The following TLN2 variants were observed in gnomAD, a reference collection of about 807,000 sequenced individuals.
TLN2 encodes talin 2.
TLN2 carries 118 observed loss-of-function variants against 294.7 expected under a neutral mutation model. That is an observed-to-expected ratio of 0.40 (90% CI 0.34 to 0.47). The LOEUF is 0.47. Among genes scored for constraint, TLN2 ranks in the 20% least tolerant of loss-of-function variants. TLN2 has a pLI of 0.84. For synonymous variants in TLN2, 1,431 were observed against 1,304.5 expected (o/e 1.10, Z -2.09); for missense variants, 3,083 against 3,282.2 (o/e 0.94, Z 1.48).
chr15:62,824,412 T>C (rs1016740096), intron 54 of TLN2, among the ~76,000 whole-genome samples: 10 of 152,218 alleles, frequency 6.6e-5, no homozygotes, highest in Non-Finnish European at 1.5e-4. Context: ...TTTATCCTGA[T>C]CTTCAATTTA....
chr15:62,766,237 C>A, intron 40 of TLN2, 84 bp from the exon 41 acceptor site: 1 of 1,219,248 alleles, frequency 8.2e-7, no homozygotes, highest in South Asian at 1.4e-5. Flanking sequence ...TGGCCTCTGT[C>A]ATTTTTCAGA....
At chr15:62,462,502 C>T (rs1362976264) in intron 1 of TLN2, among the ~76,000 whole-genome samples, 1 of 152,182 alleles carries the variant, frequency 6.6e-6, no homozygotes, top group East Asian at 1.9e-4. Context: ...TGGTTTTTAA[C>T]CAGTGATTCA....
intron 1 of TLN2, among the ~76,000 whole-genome samples, chr15:62,534,099 G>GACTTCCAAC (rs768040090): frequency 7.9e-5 from 12 of 152,108 alleles, no homozygotes; most frequent in Non-Finnish European, 1.3e-4. Context: ...ATTTCCAACA[G>GACTTCCAAC]ACTCCCAGGT....
intron 19 of TLN2, 28 bp from the exon 20 acceptor site, chr15:62,707,058 T>TG (rs773736683): frequency 6.3e-7 from 1 of 1,579,430 alleles, no homozygotes; most frequent in South Asian, 1.2e-5. Context: ...GAAAAATAAA[T>TG]GAATAGTCTT....
Position 62,655,996 on chromosome 15 carries a change from C to T in TLN2, c.570C>T (p.Asn190=), listed in dbSNP as rs777133814. 43 of 1,614,114 alleles carry T rather than the reference C, an allele frequency of 2.7e-5. No homozygotes were observed. The highest frequency in any genetic ancestry group is 1.6e-4 in the Middle Eastern group (1 of 6,062). Residue 190 remains asparagine (N), a synonymous_variant, in exon 8 of 59, where the codon AAC becomes AAT. Transcript: ENST00000636159. The stretch of plus-strand genomic sequence containing the variant: ...TCAGAGAACAAGGAGTAGATGAAAA[C>T]GAAACGTTGCTGCTTAGACGGAAGT... ...RTFREQGVDE[N]ETLLLRRKFF...
intron 5 of TLN2, among the ~76,000 whole-genome samples, chr15:62,651,315 A>C (rs994500262): frequency 8.5e-5 from 13 of 152,168 alleles, no homozygotes; most frequent in Admixed American, 8.5e-4. Flanking sequence ...TTCACTATCA[A>C]ATTTTTAAGA....
chr15:62,443,754 C>T (rs1317765364), intron 1 of TLN2, among the ~76,000 whole-genome samples: 2 of 152,190 alleles, frequency 1.3e-5, no homozygotes, highest in Non-Finnish European at 2.9e-5. Context: ...ATAATCCCAG[C>T]ACTTTGGGAG....
At chr15:62,712,144 T>A in intron 22 of TLN2, 67 bp downstream of exon 22, 1 of 1,566,160 alleles carries the variant, frequency 6.4e-7, no homozygotes, top group Non-Finnish European at 8.7e-7. Context: ...GAAGGTACTT[T>A]CCAGATGGGG....
intron 3 of TLN2, among the ~76,000 whole-genome samples, chr15:62,632,786 C>T (rs569376350): frequency 2.0e-5 from 3 of 152,268 alleles, no homozygotes; most frequent in African/African-American, 4.8e-5. Context: ...GTCTGCATTT[C>T]GAGGTGGTTG....
chr15:62,559,175 T>G (rs2042773255), intron 1 of TLN2, among the ~76,000 whole-genome samples: 1 of 152,180 alleles, frequency 6.6e-6, no homozygotes. Context: ...CTCTTGACTC[T>G]CAGTGTGCAG....
intron 9 of TLN2, among the ~76,000 whole-genome samples, chr15:62,663,946 T>C (rs1475524731): frequency 6.6e-6 from 1 of 151,980 alleles, no homozygotes; most frequent in Non-Finnish European, 1.5e-5. Flanking sequence ...AAAATTAATA[T>C]GAACTAGTCA....
intron 1 of TLN2, among the ~76,000 whole-genome samples, chr15:62,523,599 C>T (rs781654174): frequency 2.0e-5 from 3 of 151,916 alleles, no homozygotes; most frequent in East Asian, 1.9e-4. Context: ...AATCCATTGG[C>T]GTAAGTGGGA....
intron 1 of TLN2, among the ~76,000 whole-genome samples, chr15:62,576,086 G>A (rs1436266910): frequency 1.3e-5 from 2 of 152,164 alleles, no homozygotes; most frequent in Non-Finnish European, 2.9e-5. Flanking sequence ...TTCTAAGGTA[G>A]TGGTGATTGT....
At chr15:62,547,595 G>A (rs1476833861) in intron 1 of TLN2, among the ~76,000 whole-genome samples, 1 of 152,202 alleles carries the variant, frequency 6.6e-6, no homozygotes, top group African/African-American at 2.4e-5. Context: ...CTTTGAAGGT[G>A]GCTGGAACCT....
At chr15:62,453,631 C>T (rs1183951090) in intron 1 of TLN2, 3 of 152,202 alleles carry the variant, frequency 2.0e-5, no homozygotes, top group African/African-American at 4.8e-5. Context: ...CTTGTCCCTT[C>T]CTGTTTAATG....
rs978082774 is a variant in TLN2 at position 62,469,655 on chromosome 15, T to G, written c.-238+78970T>G. Among the ~76,000 whole-genome samples, 7 of 152,326 alleles carry G rather than the reference T, an allele frequency of 4.6e-5. No individual in the cohort carries two copies. In the East Asian group the frequency reaches 5.8e-4, roughly 13 times the overall value. On this transcript the variant is annotated intron_variant, in intron 1 of 58. Coordinates refer to ENST00000636159, the MANE Select transcript of TLN2 (RefSeq NM_015059.3). Reference sequence around the variant, plus strand: ...AGGCTGCTTGTGTGCTTGGCTTGATTCTGGAGTTGGCACTCTTGAGAGCCA... The same window carrying G: ...AGGCTGCTTGTGTGCTTGGCTTGATGCTGGAGTTGGCACTCTTGAGAGCCA...
Position 62,414,164 on chromosome 15 carries a change from C to CTATATATATATATATA in TLN2, c.-238+23492_-238+23507dup, listed in dbSNP as rs780803268. 3.5e-4 allele frequency among the ~76,000 whole-genome samples: 32 copies of CTATATATATATATATA among 90,622 alleles called. 2 individuals carry two copies. Among genetic ancestry groups the CTATATATATATATATA allele is most frequent in the Non-Finnish European group, 5.6e-4 (27 of 48,172 alleles). 59.5% of individuals were successfully genotyped at this position (90,622 alleles called of 152,430 possible). A position where few individuals can be genotyped will look rare whatever the true frequency, so the allele number is the denominator to read the frequency against. ...AGTGAAGTGTTAGCAAAAAAAAAAA[C>CTATATATATATATATA]TATATATATATATATATATATATAT... On this transcript the variant is annotated intron_variant, in intron 1 of 58. Transcript: ENST00000636159.
In TLN2 at chr15:62,652,145, A is replaced by G. The variant is rs745712078; in HGVS notation, c.364+11A>G. On this transcript the variant is annotated intron_variant, in intron 6 of 58. Transcript: ENST00000636159. ...TTTGTAGCAGAATAGGTGAGCATTC[A>G]TACACCTTCATTATGTCTTTTTGCT... 5 of 1,534,786 alleles carry G rather than the reference A, an allele frequency of 3.3e-6. No individual in the cohort carries two copies. Among genetic ancestry groups the G allele is most frequent in the Admixed American group, 2.0e-5 (1 of 50,528 alleles).
At position 62,653,187 on chromosome 15, in the gene TLN2, C is replaced by T. The variant is rs761395215; in HGVS notation, c.390C>T (p.Ser130=). 2 of 1,594,048 alleles carry T rather than the reference C, an allele frequency of 1.3e-6. No homozygotes were observed. The highest frequency in any genetic ancestry group is 1.1e-5 in the South Asian group (1 of 87,680). Residue 130 remains serine (S), a synonymous_variant, in exon 7 of 59, where the codon TCC becomes TCT. Transcript: ENST00000636159. ...RIGITNYEEY[S]LIQETIEEKK... is the part of the protein sequence containing the mutation. ...GAATAACAAATTATGAAGAATACTC[C>T]TTAATCCAAGAAACTATTGAAGAAA...
Sources: allele counts gnomAD v4.1 joint callset (sites outside exome capture counted in the v4.1 genomes callset), GRCh38; gene constraint gnomAD v4.1.1; transcripts MANE v1.5; gene names NCBI Gene and HGNC (gene_info 2026-07-23, HGNC 2026-07-21).